Variants in RBFOX1 observed in about 807,000 individuals in gnomAD.
The protein encoded by RBFOX1 is RNA binding protein fox-1 homolog 1.
In RBFOX1, 8 loss-of-function variants were observed where a neutral mutation model predicts 57.7. That is an observed-to-expected ratio of 0.14 (90% CI 0.08 to 0.25). RBFOX1 has a LOEUF of 0.25. Ranked by LOEUF, RBFOX1 falls within the 10% of genes least tolerant of loss-of-function variation. The pLI is 1.00. For missense variants in RBFOX1, 611 were observed against 548.5 expected (o/e 1.11, Z -1.14); for synonymous variants, 326 against 222.4 (o/e 1.47, Z -4.15).
chr16:7,367,637 A>C (rs1333474138), intron 4 of RBFOX1, among the ~76,000 whole-genome samples: 2 of 152,314 alleles, frequency 1.3e-5, no homozygotes, highest in South Asian at 2.1e-4. Context: ...GTATATGTGC[A>C]TCAGTCAGTT....
chr16:6,066,833 A>G (rs377103106), intron 1 of RBFOX1, among the ~76,000 whole-genome samples: 1 of 152,170 alleles, frequency 6.6e-6, no homozygotes, highest in Non-Finnish European at 1.5e-5. Flanking sequence ...ACTCAGAGGT[A>G]GAGACATGGG....
chr16:7,360,217 A>G (rs1202302710), intron 4 of RBFOX1, among the ~76,000 whole-genome samples: 5 of 152,178 alleles, frequency 3.3e-5, no homozygotes, highest in Non-Finnish European at 7.3e-5. Flanking sequence ...ATTATGTTGT[A>G]ATTACATTTA....
chr16:6,536,727 T>C (rs541183492), intron 2 of RBFOX1, among the ~76,000 whole-genome samples: 3 of 152,288 alleles, frequency 2.0e-5, no homozygotes, highest in South Asian at 4.1e-4. Context: ...CAAGTCAAGA[T>C]GGCTTCTAAG....
chr16:6,807,878 T>C (rs2087271496), intron 3 of RBFOX1, among the ~76,000 whole-genome samples: 1 of 140,652 alleles, frequency 7.1e-6, no homozygotes, highest in African/African-American at 2.6e-5. Context: ...TATATCTAGT[T>C]CTGTTGAATA....
At chr16:6,362,979 C>T (rs1431142958) in intron 2 of RBFOX1, among the ~76,000 whole-genome samples, 1 of 152,186 alleles carries the variant, frequency 6.6e-6, no homozygotes, top group Non-Finnish European at 1.5e-5. Context: ...CTGGGAACCA[C>T]CTCCCTTGGG....
intron 10 of RBFOX1, chr16:7,614,181 C>A (rs960061945): frequency 6.6e-6 from 1 of 152,190 alleles, no homozygotes; most frequent in Admixed American, 6.5e-5. Flanking sequence ...ACGCATCTGC[C>A]AAATTCAAAT....
intron 4 of RBFOX1, among the ~76,000 whole-genome samples, chr16:7,149,513 G>A (rs912088358): frequency 1.6e-4 from 22 of 134,576 alleles, no homozygotes; most frequent in African/African-American, 5.4e-4. Flanking sequence ...CCCCGACAGG[G>A]TCTCATTCTA....
At chr16:7,123,308 TA>T (rs1202061338) in intron 4 of RBFOX1, among the ~76,000 whole-genome samples, 1 of 152,294 alleles carries the variant, frequency 6.6e-6, no homozygotes, top group East Asian at 1.9e-4. Flanking sequence ...ATTACACATT[TA>T]AAAATATTTG....
At chr16:6,578,066 C>CA (rs1167041377) in intron 2 of RBFOX1, among the ~76,000 whole-genome samples, 2 of 151,050 alleles carry the variant, frequency 1.3e-5, no homozygotes, top group African/African-American at 2.4e-5. Flanking sequence ...TGTGTTACAA[C>CA]AAAAAATAAG....
chr16:6,256,187 G>GTA (rs1238561014), intron 1 of RBFOX1, among the ~76,000 whole-genome samples: 3 of 9,730 alleles, frequency 3.1e-4, no homozygotes, highest in Non-Finnish European at 1.3e-3. Flanking sequence ...ATATATATAC[G>GTA]TATATATATG....
chr16:6,035,442 A>G (rs1319407823), intron 1 of RBFOX1, among the ~76,000 whole-genome samples: 1 of 152,258 alleles, frequency 6.6e-6, no homozygotes. Context: ...TCACAGTAGC[A>G]CTGCCCAACA....
Position 6,546,468 on chromosome 16 carries a change from C to G in RBFOX1, c.-63-108135C>G, listed in dbSNP as rs753926901. Among the ~76,000 whole-genome samples the G allele has an allele frequency of 4.4e-4, 67 of 152,300 alleles. 1 individual carries two copies. The highest frequency in any genetic ancestry group is 6.8e-3 in the Middle Eastern group (2 of 294). Reference sequence around the variant, plus strand: ...AAACCTGTAAGGGAATTCTGCCTTGCTTCTTTTGACTCCTGGAGTAATGGC... The same window carrying G: ...AAACCTGTAAGGGAATTCTGCCTTGGTTCTTTTGACTCCTGGAGTAATGGC... On this transcript the variant is annotated intron_variant, in intron 2 of 15. Coordinates refer to ENST00000550418, the MANE Select transcript of RBFOX1 (RefSeq NM_018723.4).
At chr16:7,696,469 G>A (rs560647230) in intron 14 of RBFOX1, among the ~76,000 whole-genome samples, 6 of 152,018 alleles carry the variant, frequency 3.9e-5, no homozygotes, top group Non-Finnish European at 8.8e-5. Flanking sequence ...GCTAGTGATT[G>A]TAGTAGTTGC....
rs372485025 is a variant in RBFOX1, at chr16:5,405,450, T to C, written c.220-61766T>C. ...GCCATGTAAGATGTGCCTTTTGCCT[T>C]CTGCCATGATTGTGAGGCCTCCCCA... On this transcript the variant is annotated intron_variant, in intron 1 of 2. Transcript: ENST00000585867. Among the ~76,000 whole-genome samples, 528 of 152,360 alleles carry C rather than the reference T, an allele frequency of 3.5e-3. 9 individuals carry two copies. Among genetic ancestry groups the C allele is most frequent in the African/African-American group, 0.012 (502 of 41,584 alleles).
chr16:5,589,623 A>G (rs1482065517), intron 2 of RBFOX1, among the ~76,000 whole-genome samples: 2 of 152,230 alleles, frequency 1.3e-5, no homozygotes, highest in African/African-American at 4.8e-5. Context: ...GAAAGTGGCT[A>G]GTCCTAGGCC....
intron 1 of RBFOX1, among the ~76,000 whole-genome samples, chr16:5,399,294 G>A (rs1005975094): frequency 6.6e-6 from 1 of 152,192 alleles, no homozygotes; most frequent in African/African-American, 2.4e-5. Flanking sequence ...ATGAGGTCAA[G>A]GGCTCACACC....
At chr16:5,720,238 G>A (rs924127736) in intron 3 of RBFOX1, among the ~76,000 whole-genome samples, 2 of 152,162 alleles carry the variant, frequency 1.3e-5, no homozygotes, top group Non-Finnish European at 2.9e-5. Context: ...AGACATGCCT[G>A]TTCAGATTCT....
intron 3 of RBFOX1, among the ~76,000 whole-genome samples, chr16:5,816,910 C>G (rs999834995): frequency 6.6e-6 from 1 of 152,034 alleles, no homozygotes; most frequent in Non-Finnish European, 1.5e-5. Flanking sequence ...TATGGAGTAC[C>G]TGAGATGTGT....
At chr16:5,926,802 A>G (rs73521338) in intron 4 of RBFOX1, among the ~76,000 whole-genome samples, 1,755 of 152,318 alleles carry the variant, frequency 0.012, 38 homozygotes, top group African/African-American at 0.04. Context: ...TTTAACAATA[A>G]TAGAAAACAG....
Sources: allele counts gnomAD v4.1 joint callset (sites outside exome capture counted in the v4.1 genomes callset), GRCh38; gene constraint gnomAD v4.1.1; transcripts MANE v1.5; gene names NCBI Gene and HGNC (gene_info 2026-07-23, HGNC 2026-07-21).